The following RSBN1L variants were observed in gnomAD, a reference collection of about 807,000 sequenced individuals.
The protein encoded by RSBN1L is round spermatid basic protein 1 like, also known as lysine-specific demethylase RSBN1L.
In RSBN1L, 30 loss-of-function variants were observed where a neutral mutation model predicts 67.7. That is an observed-to-expected ratio of 0.44 (90% CI 0.33 to 0.60). The LOEUF is 0.60. Among genes scored for constraint, RSBN1L ranks in the 20% least tolerant of loss-of-function variants. RSBN1L has a pLI of 0.02. For synonymous variants in RSBN1L, 433 were observed against 387.0 expected (o/e 1.12, Z -1.39); for missense variants, 992 against 1,031.7 (o/e 0.96, Z 0.53).
intron 5 of RSBN1L, among the ~76,000 whole-genome samples, chr7:77,769,082 A>G (rs1391905326): frequency 6.6e-6 from 1 of 152,254 alleles, no homozygotes; most frequent in Non-Finnish European, 1.5e-5. Flanking sequence ...CAGAACCTAT[A>G]CTAAGAAGAC....
intron 6 of RSBN1L, among the ~76,000 whole-genome samples, chr7:77,778,126 C>T (rs1031672989): frequency 1.3e-5 from 2 of 152,106 alleles, no homozygotes; most frequent in African/African-American, 2.4e-5. Context: ...TATATAAAAA[C>T]GAAGTCAGTT....
At chr7:77,765,428 A>T in intron 3 of RSBN1L, 67 bp from the exon 4 acceptor site, 1 of 1,246,350 alleles carries the variant, frequency 8.0e-7, no homozygotes, top group Non-Finnish European at 1.1e-6. Flanking sequence ...TGTAACTTTT[A>T]ATTAAATCCA....
intron 2 of RSBN1L, among the ~76,000 whole-genome samples, chr7:77,740,450 AG>A (rs1791393155): frequency 6.6e-6 from 1 of 152,228 alleles, no homozygotes; most frequent in Non-Finnish European, 1.5e-5. Flanking sequence ...AGTGTACTAA[AG>A]GTCACAGGTA....
intron 1 of RSBN1L, among the ~76,000 whole-genome samples, chr7:77,712,893 G>T (rs986181194): frequency 6.6e-6 from 1 of 152,134 alleles, no homozygotes; most frequent in Non-Finnish European, 1.5e-5. Flanking sequence ...TAAGGGGAAA[G>T]TTAAAGATAC....
At chr7:77,712,477 C>T (rs1017542280) in intron 1 of RSBN1L, among the ~76,000 whole-genome samples, 4 of 151,992 alleles carry the variant, frequency 2.6e-5, no homozygotes, top group African/African-American at 4.8e-5. Context: ...ACGGGTTTCA[C>T]GATGTTGGCC....
At chr7:77,721,299 T>G (rs1791116451) in intron 1 of RSBN1L, among the ~76,000 whole-genome samples, 1 of 152,148 alleles carries the variant, frequency 6.6e-6, no homozygotes, top group Non-Finnish European at 1.5e-5. Context: ...AGTAATTTCC[T>G]TCTTTTTACT....
intron 4 of RSBN1L, among the ~76,000 whole-genome samples, chr7:77,766,867 T>C (rs1791771991): frequency 6.6e-6 from 1 of 152,236 alleles, no homozygotes. Flanking sequence ...TTGTTCCTTT[T>C]CTACTTCTCT....
intron 1 of RSBN1L, among the ~76,000 whole-genome samples, chr7:77,705,043 C>T (rs116874129): frequency 0.024 from 3,637 of 151,900 alleles, 60 homozygotes; most frequent in Admixed American, 0.034. Context: ...CTTCCTCTAC[C>T]CCAAACTATC....
intron 1 of RSBN1L, among the ~76,000 whole-genome samples, chr7:77,732,961 A>G (rs1219419902): frequency 6.6e-6 from 1 of 152,110 alleles, no homozygotes; most frequent in Non-Finnish European, 1.5e-5. Flanking sequence ...TAGCTCTGCC[A>G]TGTAACATGA....
intron 4 of RSBN1L, among the ~76,000 whole-genome samples, chr7:77,767,030 C>T (rs994678317): frequency 7.0e-6 from 1 of 142,334 alleles, no homozygotes. Context: ...CCTTCCCCTT[C>T]CCTTTCCCCT....
chr7:77,782,902 G>C lies in RSBN1L; in HGVS notation c.*3734G>C, dbSNP rs959093612. The C allele has an allele frequency of 6.6e-6, 1 of 152,086 alleles. No individual in the cohort carries two copies. Among genetic ancestry groups the C allele is most frequent in the African/African-American group, 2.4e-5 (1 of 41,414 alleles). The allele number at this position is 152,086 out of a possible 1,614,324, so 9.4% of individuals were successfully genotyped here. On this transcript the variant is annotated 3_prime_UTR_variant, in exon 8 of 8. Transcript: ENST00000334955. ...ATTTTTTGGACAGGTTCATTGTCATGTAAAACAAATATCTCAAAATTCATT... is the reference window on the plus strand; with the variant it reads ...ATTTTTTGGACAGGTTCATTGTCATCTAAAACAAATATCTCAAAATTCATT...
chr7:77,767,035 TCCCCTTCCCTTCCCCTTCCCCTTC>T (rs1791775944), intron 4 of RSBN1L, among the ~76,000 whole-genome samples: 1 of 141,870 alleles, frequency 7.0e-6, no homozygotes, highest in Admixed American at 7.0e-5. Flanking sequence ...CCCTTCCCTT[TCCCCTTCCCTTCCCCTTCCCCTTC>T]CCTTTCCCCT....
rs996639917 is a variant in RSBN1L at position 77,782,746 on chromosome 7, T to C, written c.*3578T>C. ...TGGTCATTGAGGGTAGGGAAGATTT[T>C]ATTTTTTAAGTTGTCGTTAAGGTAT... On this transcript the variant is annotated 3_prime_UTR_variant, in exon 8 of 8. Coordinates refer to ENST00000334955, the MANE Select transcript of RSBN1L (RefSeq NM_198467.3). 4 of 152,190 alleles carry C rather than the reference T, an allele frequency of 2.6e-5. No homozygotes were observed. Among genetic ancestry groups the C allele is most frequent in the Non-Finnish European group, 4.4e-5 (3 of 68,028 alleles). The allele number at this position is 152,190 out of a possible 1,614,324, so 9.4% of individuals were successfully genotyped here. A position where few individuals can be genotyped will look rare whatever the true frequency, so the allele number is the denominator to read the frequency against.
intron 1 of RSBN1L, among the ~76,000 whole-genome samples, chr7:77,736,048 T>A (rs10488040): frequency 6.6e-6 from 1 of 152,062 alleles, no homozygotes; most frequent in South Asian, 2.1e-4. Flanking sequence ...TTTTCTGTTA[T>A]GCTGCTAATC....
rs2150424901 is a variant in RSBN1L at position 77,747,213 on chromosome 7, A to G, written c.704-2211A>G. 1.3e-5 allele frequency among the ~76,000 whole-genome samples: 2 copies of G among 152,336 alleles called. 1 individual carries two copies. Among genetic ancestry groups the G allele is most frequent in the Middle Eastern group, 6.8e-3 (2 of 294 alleles). On this transcript the variant is annotated intron_variant, in intron 2 of 7. Coordinates refer to ENST00000334955, the MANE Select transcript of RSBN1L (RefSeq NM_198467.3). The stretch of plus-strand genomic sequence containing the variant: ...TTGCAGTCTGGCCATGTGGTAGAAA[A>G]GAAAAGCCTATTGTCAGGGAAGAGT...
At chr7:77,750,439 G>A (rs17385959) in intron 3 of RSBN1L, among the ~76,000 whole-genome samples, 36,595 of 151,368 alleles carry the variant, frequency 0.24, 4,658 homozygotes, top group South Asian at 0.29. Flanking sequence ...ATGCTTTAAG[G>A]TACTTAGCAC....
At chr7:77,728,266 A>C (rs1220844883) in intron 1 of RSBN1L, among the ~76,000 whole-genome samples, 3 of 152,200 alleles carry the variant, frequency 2.0e-5, no homozygotes, top group Non-Finnish European at 2.9e-5. Context: ...TGCTTGTCTG[A>C]ATATGCCTTC....
At chr7:77,731,479 G>A (rs939810033) in intron 1 of RSBN1L, among the ~76,000 whole-genome samples, 10 of 151,776 alleles carry the variant, frequency 6.6e-5, no homozygotes, top group Non-Finnish European at 1.0e-4. Context: ...CTAGCAGTCC[G>A]CCTGCCTCAG....
Position 77,736,514 on chromosome 7 carries a change from A to AT in RSBN1L, c.695dup (p.Leu232PhefsTer19). Reference sequence around the variant, plus strand: ...CAAGAAAGAGAATGGAGAAGTAAAGATTTTGCTGAAAAGTAAGTTTTATTC... The same window carrying AT: ...CAAGAAAGAGAATGGAGAAGTAAAGATTTTTGCTGAAAAGTAAGTTTTATTC... On this transcript the variant is annotated frameshift_variant, in exon 2 of 8. Coordinates refer to ENST00000334955, the MANE Select transcript of RSBN1L (RefSeq NM_198467.3). LOFTEE classifies it high-confidence loss of function. 2 of 1,312,946 alleles carry AT rather than the reference A, an allele frequency of 1.5e-6. No individual in the cohort carries two copies. Among genetic ancestry groups the AT allele is most frequent in the Admixed American group, 2.5e-5 (1 of 40,178 alleles). The allele number at this position is 1,312,946 out of a possible 1,614,324, so 81.3% of individuals were successfully genotyped here. A position where few individuals can be genotyped will look rare whatever the true frequency, so the allele number is the denominator to read the frequency against.
Sources: allele counts gnomAD v4.1 joint callset (sites outside exome capture counted in the v4.1 genomes callset), GRCh38; gene constraint gnomAD v4.1.1; transcripts MANE v1.5; gene names NCBI Gene and HGNC (gene_info 2026-07-23, HGNC 2026-07-21).